Variants in BMAL2 observed in about 807,000 individuals in gnomAD.
BMAL2 encodes the protein basic helix-loop-helix ARNT-like protein 2.
At chr12:27,376,151 G>C in the BMAL2 span, among the ~76,000 whole-genome samples, 1 of 152,182 alleles carries the variant, frequency 6.6e-6, no homozygotes, top group East Asian at 1.9e-4. Flanking sequence ...TTGCCTGTCA[G>C]CGTTAGGAGG....
At chr12:27,361,396 T>G in the BMAL2 span, among the ~76,000 whole-genome samples, 1 of 152,226 alleles carries the variant, frequency 6.6e-6, no homozygotes, top group Admixed American at 6.5e-5. Flanking sequence ...TCACAAACTT[T>G]CTTTGTAAAA....
chr12:27,392,657 G>A, the BMAL2 span, among the ~76,000 whole-genome samples: 1,640 of 104,302 alleles, frequency 0.016, 45 homozygotes, highest in African/African-American at 0.056. Context: ...GTAAATCACC[G>A]AATCTACACA....
At chr12:27,398,035 T>C in the BMAL2 span, among the ~76,000 whole-genome samples, 1 of 152,226 alleles carries the variant, frequency 6.6e-6, no homozygotes, top group Non-Finnish European at 1.5e-5. Context: ...TGCCTGTGGC[T>C]CCAGGAACTT....
At chr12:27,390,288 T>A in the BMAL2 span, 1 of 1,561,718 alleles carries the variant, frequency 6.4e-7, no homozygotes. Context: ...ATAAAATTAA[T>A]GTCCTAAATA....
At chr12:27,337,969 A>G in the BMAL2 span, among the ~76,000 whole-genome samples, 6 of 152,018 alleles carry the variant, frequency 3.9e-5, no homozygotes, top group Non-Finnish European at 8.8e-5. Context: ...TTGTGTGCCT[A>G]TGATAACACT....
At chr12:27,380,781 G>A in the BMAL2 span, among the ~76,000 whole-genome samples, 1 of 152,046 alleles carries the variant, frequency 6.6e-6, no homozygotes, top group Non-Finnish European at 1.5e-5. Flanking sequence ...AGGCTGAGGT[G>A]GGCGGATGGC....
the BMAL2 span, among the ~76,000 whole-genome samples, chr12:27,410,971 G>A: frequency 6.6e-6 from 1 of 152,074 alleles, no homozygotes; most frequent in African/African-American, 2.4e-5. Context: ...TGGAAAATGT[G>A]TGGATTTCAT....
chr12:27,353,140 A>G, the BMAL2 span, among the ~76,000 whole-genome samples: 1 of 152,208 alleles, frequency 6.6e-6, no homozygotes, highest in African/African-American at 2.4e-5. Flanking sequence ...CTAAGCAAAA[A>G]GAACAAAGCC....
At chr12:27,418,099 G>C in the BMAL2 span, 1 of 1,611,276 alleles carries the variant, frequency 6.2e-7, no homozygotes, top group Non-Finnish European at 8.5e-7. Flanking sequence ...TGTCAAATAA[G>C]GAGTTGTTTC....
the BMAL2 span, among the ~76,000 whole-genome samples, chr12:27,356,235 T>C: frequency 3.5e-3 from 532 of 152,306 alleles, 11 homozygotes; most frequent in Non-Finnish European, 2.0e-3. Context: ...AAGTTGTAGC[T>C]TTTGCTAGGA....
the BMAL2 span, among the ~76,000 whole-genome samples, chr12:27,412,244 A>G: frequency 2.0e-5 from 3 of 152,232 alleles, no homozygotes; most frequent in African/African-American, 2.4e-5. Context: ...AGCATAAAGT[A>G]CAGAGGGCAT....
the BMAL2 span, chr12:27,385,367 T>A: frequency 1.8e-6 from 1 of 563,752 alleles, no homozygotes; most frequent in Non-Finnish European, 3.2e-6. Context: ...TTACAGAAAA[T>A]GTCTTAGAAT....
chr12:27,352,587 C>T, the BMAL2 span, among the ~76,000 whole-genome samples: 146,295 of 152,254 alleles, frequency 0.96, 70,291 homozygotes, highest in East Asian at 1. Flanking sequence ...TCAGAGCAGT[C>T]CTAGCCAGAG....
At chr12:27,395,366 A>G in the BMAL2 span, among the ~76,000 whole-genome samples, 1 of 152,148 alleles carries the variant, frequency 6.6e-6, no homozygotes, top group African/African-American at 2.4e-5. Context: ...TTTCCTAGAT[A>G]TGGGAGCTCA....
At chr12:27,370,116 T>TTA in the BMAL2 span, 3 of 1,606,820 alleles carry the variant, frequency 1.9e-6, no homozygotes, top group Admixed American at 5.0e-5. Flanking sequence ...ACCCAAGGCC[T>TTA]CCTTCCTTCC....
the BMAL2 span, among the ~76,000 whole-genome samples, chr12:27,398,208 G>C: frequency 7.9e-5 from 12 of 152,294 alleles, no homozygotes; most frequent in East Asian, 2.3e-3. Context: ...AAGACACCAA[G>C]TTGAGAGACC....
At chr12:27,410,242 T>TG in the BMAL2 span, among the ~76,000 whole-genome samples, 19 of 152,226 alleles carry the variant, frequency 1.2e-4, no homozygotes, top group Non-Finnish European at 2.2e-4. Context: ...ATCCCATTAC[T>TG]GGGTATATAC....
At chr12:27,399,538 A>C in the BMAL2 span, among the ~76,000 whole-genome samples, 1 of 152,220 alleles carries the variant, frequency 6.6e-6, no homozygotes, top group South Asian at 2.1e-4. Flanking sequence ...AAAGCACTTT[A>C]AACAGACTGT....
chr12:27,337,055 G>A, the BMAL2 span, among the ~76,000 whole-genome samples: 1 of 151,938 alleles, frequency 6.6e-6, no homozygotes, highest in Non-Finnish European at 1.5e-5. Flanking sequence ...TAAATGGTTG[G>A]CATGATAGGA....
Sources: gnomAD v4.1 joint callset for allele counts (sites outside exome capture counted in the v4.1 genomes callset) on GRCh38, gnomAD v4.1.1 for gene constraint, MANE v1.5 for transcripts, NCBI Gene and HGNC (gene_info 2026-07-23, HGNC 2026-07-21) for gene names.